Variants in NRXN3 observed in about 807,000 individuals in gnomAD.
NRXN3 encodes neurexin 3, also known as neurexin III.
In NRXN3, 32 loss-of-function variants were observed where a neutral mutation model predicts 137.6. The observed-to-expected ratio is 0.23, with a 90% CI of 0.18 to 0.31. NRXN3 has a LOEUF of 0.31. NRXN3 is among the 10% of genes least tolerant of loss of function. The pLI, the probability that NRXN3 is intolerant of heterozygous loss-of-function variation, is 1.00. For missense variants in NRXN3, 1,574 were observed against 2,062.5 expected (o/e 0.76, Z 4.59); for synonymous variants, 798 against 784.5 (o/e 1.02, Z -0.29).
intron 16 of NRXN3, among the ~76,000 whole-genome samples, chr14:79,647,974 C>T (rs1473135120): frequency 7.4e-6 from 1 of 134,524 alleles, no homozygotes; most frequent in African/African-American, 2.5e-5. Flanking sequence ...ACTCAAAAGC[C>T]TGTGATTGTT....
intron 4 of NRXN3, among the ~76,000 whole-genome samples, chr14:78,445,370 C>A (rs2094389979): frequency 6.6e-6 from 1 of 152,204 alleles, no homozygotes; most frequent in Non-Finnish European, 1.5e-5. Flanking sequence ...TCTAGGGTTC[C>A]ATTCAGATAT....
chr14:79,029,405 C>T (rs777893549), intron 15 of NRXN3, among the ~76,000 whole-genome samples: 5 of 152,116 alleles, frequency 3.3e-5, no homozygotes, highest in Admixed American at 6.6e-5. Flanking sequence ...AGATCTCTTT[C>T]GGTTCCTGCC....
chr14:78,396,360 A>G (rs1449634899), intron 4 of NRXN3, among the ~76,000 whole-genome samples: 2 of 152,208 alleles, frequency 1.3e-5, no homozygotes, highest in Non-Finnish European at 2.9e-5. Flanking sequence ...TATTTCAATC[A>G]TCAGACAGAA....
In NRXN3 at chr14:79,500,084, G is replaced by T. The variant is rs1170561856; in HGVS notation, c.3444+32682G>T. On this transcript the variant is annotated intron_variant, in intron 16 of 20. Coordinates refer to ENST00000335750, the MANE Select transcript of NRXN3 (RefSeq NM_001330195.2). ...ATAAATCTAGACTTATGTGCGTATTGTTTTGAGAATACAAAGAAAGGTGCT... is the reference window on the plus strand; with the variant it reads ...ATAAATCTAGACTTATGTGCGTATTTTTTTGAGAATACAAAGAAAGGTGCT... Among the ~76,000 whole-genome samples the T allele has an allele frequency of 2.0e-5, 3 of 151,770 alleles. No individual in the cohort carries two copies. The East Asian group carries it at 5.8e-4, about 29-fold the overall frequency.
chr14:79,716,131 A>G (rs2098822901), intron 19 of NRXN3, among the ~76,000 whole-genome samples: 1 of 152,186 alleles, frequency 6.6e-6, no homozygotes, highest in African/African-American at 2.4e-5. Context: ...TCACATGGTC[A>G]TGTGGAATGG....
chr14:79,698,981 A>G (rs1476374557), intron 19 of NRXN3, among the ~76,000 whole-genome samples: 1 of 151,992 alleles, frequency 6.6e-6, no homozygotes, highest in Admixed American at 6.6e-5. Context: ...TGGTAAGTGT[A>G]TTATCTGTTG....
intron 12 of NRXN3, among the ~76,000 whole-genome samples, chr14:78,966,709 G>A (rs1044565849): frequency 6.6e-6 from 1 of 152,148 alleles, no homozygotes; most frequent in African/African-American, 2.4e-5. Flanking sequence ...GATTTGTATT[G>A]CATCTAATTC....
chr14:79,851,733 C>T (rs973845635), intron 20 of NRXN3, among the ~76,000 whole-genome samples: 1 of 152,122 alleles, frequency 6.6e-6, no homozygotes, highest in Non-Finnish European at 1.5e-5. Context: ...CTCTTGTGAT[C>T]TCTTCCAGTG....
At chr14:78,519,121 T>A (rs2193666) in intron 4 of NRXN3, among the ~76,000 whole-genome samples, 1 of 152,000 alleles carries the variant, frequency 6.6e-6, no homozygotes, top group Non-Finnish European at 1.5e-5. Flanking sequence ...TCAGAGTAGA[T>A]GAATAATAAA....
chr14:78,350,937 G>A (rs1345693018), intron 4 of NRXN3, among the ~76,000 whole-genome samples: 2 of 151,394 alleles, frequency 1.3e-5, no homozygotes, highest in Non-Finnish European at 2.9e-5. Context: ...TATTTACATT[G>A]TATCTTATGT....
intron 15 of NRXN3, among the ~76,000 whole-genome samples, chr14:79,347,832 A>G (rs1427971308): frequency 1.3e-5 from 2 of 152,194 alleles, no homozygotes; most frequent in Admixed American, 1.3e-4. Context: ...TACCTCTAAA[A>G]GTTTTAGAAA....
intron 1 of NRXN3, among the ~76,000 whole-genome samples, chr14:78,186,057 A>G (rs949200737): frequency 3.3e-5 from 5 of 152,222 alleles, no homozygotes; most frequent in African/African-American, 1.2e-4. Flanking sequence ...CAGGAAGGAC[A>G]CTGCCTGGCT....
chr14:79,246,237 A>G (rs1191338372), intron 15 of NRXN3, among the ~76,000 whole-genome samples: 3 of 152,222 alleles, frequency 2.0e-5, no homozygotes, highest in Non-Finnish European at 4.4e-5. Context: ...TTAGGCTAAA[A>G]GCCATTTGGC....
intron 16 of NRXN3, among the ~76,000 whole-genome samples, chr14:79,589,607 G>C (rs1193977131): frequency 6.9e-6 from 1 of 145,550 alleles, no homozygotes; most frequent in Non-Finnish European, 1.5e-5. Context: ...TAAAAGAGAA[G>C]TGGATGTAAG....
chr14:78,640,504 A>G (rs971824590), intron 4 of NRXN3, among the ~76,000 whole-genome samples: 23 of 152,256 alleles, frequency 1.5e-4, no homozygotes, highest in African/African-American at 5.3e-4. Context: ...GTAATAAAAT[A>G]TAACACTGAG....
chr14:79,366,087 G>A (rs2153426641), intron 15 of NRXN3, among the ~76,000 whole-genome samples: 1 of 152,276 alleles, frequency 6.6e-6, no homozygotes, highest in African/African-American at 2.4e-5. Flanking sequence ...GATTAACACT[G>A]AAAGGGTTCA....
intron 10 of NRXN3, among the ~76,000 whole-genome samples, chr14:78,885,010 A>G (rs1215678030): frequency 6.6e-6 from 1 of 152,056 alleles, no homozygotes; most frequent in Non-Finnish European, 1.5e-5. Flanking sequence ...AGGTAGGTGA[A>G]CTTAATCAGA....
intron 15 of NRXN3, among the ~76,000 whole-genome samples, chr14:79,071,390 C>T (rs1324694276): frequency 6.6e-6 from 1 of 152,134 alleles, no homozygotes; most frequent in African/African-American, 2.4e-5. Flanking sequence ...GCTAGCCCCC[C>T]ACTACCCAAC....
At chr14:79,675,693 G>A (rs2098637016) in intron 17 of NRXN3, among the ~76,000 whole-genome samples, 1 of 152,056 alleles carries the variant, frequency 6.6e-6, no homozygotes, top group Admixed American at 6.6e-5. Context: ...GATACAATAT[G>A]TAAGAAGGAC....
Sources: allele counts gnomAD v4.1 joint callset (sites outside exome capture counted in the v4.1 genomes callset), GRCh38; gene constraint gnomAD v4.1.1; transcripts MANE v1.5; gene names NCBI Gene and HGNC (gene_info 2026-07-23, HGNC 2026-07-21).